Variants in TNFSF14 observed in about 807,000 individuals in gnomAD.
The protein encoded by TNFSF14 is tumor necrosis factor ligand superfamily member 14.
TNFSF14 carries 15 observed loss-of-function variants against 22.7 expected under a neutral mutation model. The ratio of observed to expected loss-of-function variants is 0.66; its 90% confidence interval spans 0.44 to 1.02. The LOEUF (loss-of-function observed/expected upper bound fraction) is 1.02, where lower values mean the gene tolerates loss of function less well. TNFSF14 is among the 50% of genes least tolerant of loss of function. The pLI is 0.00. For missense variants in TNFSF14, 287 were observed against 326.2 expected (o/e 0.88, Z 0.93); for synonymous variants, 133 against 139.6 (o/e 0.95, Z 0.33).
At chr19:6,670,320 T>A, upstream of TNFSF14, 1 of 1,319,154 alleles carries the variant, frequency 7.6e-7, no homozygotes, top group Admixed American at 3.2e-5. Flanking sequence ...TCTGAAAATG[T>A]GACTCAGGTG....
chr19:6,665,056 C>T lies in TNFSF14; in HGVS notation c.593G>A (p.Trp198Ter). 1 of 1,614,150 alleles carries T rather than the reference C, an allele frequency of 6.2e-7. No homozygotes were observed. Among genetic ancestry groups the T allele is most frequent in the Non-Finnish European group, 8.5e-7 (1 of 1,179,992 alleles). Reference protein sequence around the residue: ...GRATSSSRVWWDSSFLGGVVH... With the variant: ...GRATSSSRVW Reference sequence around the variant, plus strand: ...CACACCACCCAGGAAGCTGCTGTCCCACCAGACCCGGGAGCTGCTGGTGGC... The same window carrying T: ...CACACCACCCAGGAAGCTGCTGTCCTACCAGACCCGGGAGCTGCTGGTGGC... Residue 198 changes from tryptophan to a stop codon, truncating the protein, a stop_gained, in exon 4 of 4, where the codon TGG (tryptophan) becomes TAG (stop). Coordinates refer to ENST00000675206, the MANE Select transcript of TNFSF14 (RefSeq NM_001376887.1). LOFTEE classifies it high-confidence loss of function.
At chr19:6,668,271 G>T (rs1322798602) in intron 1 of TNFSF14, among the ~76,000 whole-genome samples, 1 of 151,958 alleles carries the variant, frequency 6.6e-6, no homozygotes, top group Non-Finnish European at 1.5e-5. Context: ...GCTGGGACAG[G>T]AGGCTTGCTT....
chr19:6,669,564 G>A (rs1256526599), intron 1 of TNFSF14, among the ~76,000 whole-genome samples: 2 of 152,110 alleles, frequency 1.3e-5, no homozygotes, highest in Non-Finnish European at 2.9e-5. Context: ...AGTTCCGACG[G>A]GTGGAGCTGG....
chr19:6,665,418 T>A, intron 3 of TNFSF14, 68 bp from the exon 4 acceptor site: 2 of 1,439,424 alleles, frequency 1.4e-6, no homozygotes, highest in East Asian at 2.5e-5. Flanking sequence ...CTTGTTTGTT[T>A]GTTTGTTTGA....
chr19:6,670,015 T>G lies in TNFSF14; in HGVS notation c.55A>C (p.Ile19Leu). The change falls in exon 1 of 4, where the codon ATC becomes CTC. Residue 19 changes from isoleucine (I) to leucine (L), a missense_variant. Physicochemically the swap from Ile to Leu is conservative, Grantham distance 5. Coordinates refer to ENST00000675206, the MANE Select transcript of TNFSF14 (RefSeq NM_001376887.1). ...CTTCGTCCCAGCCTCGTGAATGGGA[T>G]GTCGGTCTGTCCATCCACCACAAAC... ...SVFVVDGQTDIPFTRLGRSHR... is the reference protein window; with the variant it reads ...SVFVVDGQTDLPFTRLGRSHR... 1 of 1,614,166 alleles carries G rather than the reference T, an allele frequency of 6.2e-7. No individual in the cohort carries two copies. Among genetic ancestry groups the G allele is most frequent in the Non-Finnish European group, 8.5e-7 (1 of 1,180,028 alleles).
Position 6,665,318 on chromosome 19 carries a change from GC to G in TNFSF14, c.330del (p.Pro111ArgfsTer13). On this transcript the variant is annotated frameshift_variant, in exon 4 of 4. Coordinates refer to ENST00000675206, the MANE Select transcript of TNFSF14 (RefSeq NM_001376887.1). LOFTEE classifies it high-confidence loss of function. ...GANSSLTGSGGPLLWETQLGL... is the reference protein window; with the variant it reads ...GANSSLTGSGXPLLWETQLGL... Reference sequence around the variant, plus strand: ...CCCAGCTGAGTCTCCCATAACAGCGGCCCCCCGCTGCCGGTCAAGCTGGAGT... The same window carrying G: ...CCCAGCTGAGTCTCCCATAACAGCGGCCCCCGCTGCCGGTCAAGCTGGAGT... 1.3e-6 allele frequency: 2 copies of G among 1,597,574 alleles called. No homozygotes were observed. The highest frequency in any genetic ancestry group is 1.7e-6 in the Non-Finnish European group (2 of 1,172,366).
chr19:6,667,506 A>G (rs895506968), intron 1 of TNFSF14, 57 bp from the exon 2 acceptor site: 4 of 1,552,264 alleles, frequency 2.6e-6, no homozygotes, highest in Non-Finnish European at 3.5e-6. Context: ...ACGCCCTCGC[A>G]TTGCTCACAC....
In TNFSF14 at chr19:6,670,133, T is replaced by C; in HGVS notation, c.-64A>G. The C allele has an allele frequency of 6.3e-7, 1 of 1,590,976 alleles. No homozygotes were observed. The highest frequency in any genetic ancestry group is 8.6e-7 in the Non-Finnish European group (1 of 1,164,194). On this transcript the variant is annotated 5_prime_UTR_variant, in exon 1 of 4. Coordinates refer to ENST00000675206, the MANE Select transcript of TNFSF14 (RefSeq NM_001376887.1). ...CTTCAACCTCAGAGGAAACCGAAAT[T>C]GCTCAACACTCCTGGGCTGTGCACG...
intron 1 of TNFSF14, 21 bp downstream of exon 1, chr19:6,669,830 C>T (rs1390615666): frequency 6.2e-7 from 1 of 1,608,224 alleles, no homozygotes; most frequent in South Asian, 1.1e-5. Flanking sequence ...CACCTGCTCT[C>T]AGCCCCCCGG....
rs528027707 is a variant in TNFSF14, at chr19:6,668,669, C to T, written c.219+1182G>A. Among the ~76,000 whole-genome samples the T allele has an allele frequency of 2.6e-5, 4 of 152,056 alleles. No homozygotes were observed. In the East Asian group the frequency reaches 7.7e-4, roughly 29 times the overall value. ...GTTGTAGTGAGCCAAGACTGCACCACTACACTACAGCCTGGGCTATGGGAG... is the reference window on the plus strand; with the variant it reads ...GTTGTAGTGAGCCAAGACTGCACCATTACACTACAGCCTGGGCTATGGGAG... On this transcript the variant is annotated intron_variant, in intron 1 of 3. Coordinates refer to ENST00000675206, the MANE Select transcript of TNFSF14 (RefSeq NM_001376887.1).
Position 6,664,630 on chromosome 19 carries a change from C to CAAAA in TNFSF14, c.*295_*296insTTTT. The CAAAA allele has an allele frequency of 4.5e-6, 1 of 222,440 alleles. No homozygotes were observed. The highest frequency in any genetic ancestry group is 5.6e-5 in the Admixed American group (1 of 17,988). 13.8% of individuals were successfully genotyped at this position (222,440 alleles called of 1,614,324 possible). ...CTCGGCTCACTGCAACCTCCGCCTC[C>CAAAA]CGGGTTTAAGCAAAATTATCCTGCC... is the stretch of plus-strand genomic sequence containing the variant. On this transcript the variant is annotated 3_prime_UTR_variant, in exon 4 of 4. Coordinates refer to ENST00000675206, the MANE Select transcript of TNFSF14 (RefSeq NM_001376887.1). This position sits in a 1 kb window ranked among gnomAD's most constrained non-coding sequence, Gnocchi z 4.7.
chr19:6,670,256 G>A (rs867669322), upstream of TNFSF14: 1 of 1,434,808 alleles, frequency 7.0e-7, no homozygotes, highest in East Asian at 2.5e-5. Context: ...GCCGCCCCCG[G>A]TCTTGGCCCT....
intron 1 of TNFSF14, among the ~76,000 whole-genome samples, chr19:6,668,603 G>A (rs1325408878): frequency 6.6e-6 from 1 of 152,150 alleles, no homozygotes; most frequent in Admixed American, 6.5e-5. Flanking sequence ...CTACTGCTCA[G>A]GAGGCTGAGA....
Position 6,666,897 on chromosome 19 carries a change from AAAATAAATAAATAAAT to A in TNFSF14, c.298+200_298+215del, listed in dbSNP as rs3065920. Among the ~76,000 whole-genome samples, 395 of 149,076 alleles carry A rather than the reference AAAATAAATAAATAAAT, an allele frequency of 2.6e-3. 1 individual carries two copies. The highest frequency in any genetic ancestry group is 8.9e-3 in the African/African-American group (363 of 40,754). ...TGGGCAACAGAGTGAGACTGTCTCA[AAAATAAATAAATAAAT>A]AAATAAATAAATAAATAGAAATAAA... On this transcript the variant is annotated intron_variant, in intron 3 of 3. Coordinates refer to ENST00000675206, the MANE Select transcript of TNFSF14 (RefSeq NM_001376887.1).
chr19:6,668,292 G>A (rs1218163935), intron 1 of TNFSF14, among the ~76,000 whole-genome samples: 3 of 151,992 alleles, frequency 2.0e-5, no homozygotes, highest in East Asian at 3.9e-4. Flanking sequence ...GAGCCCAGGA[G>A]TTCAAGGCTG....
At chr19:6,667,310 G>A in intron 2 of TNFSF14, 103 bp downstream of exon 2, 2 of 1,456,314 alleles carry the variant, frequency 1.4e-6, no homozygotes, top group East Asian at 2.6e-5. Context: ...GCACCTGTGA[G>A]GATTTGGCCA....
chr19:6,668,668 A>G (rs1171276412), intron 1 of TNFSF14, among the ~76,000 whole-genome samples: 6 of 152,196 alleles, frequency 3.9e-5, no homozygotes, highest in Middle Eastern at 6.8e-3. Flanking sequence ...AGACTGCACC[A>G]CTACACTACA....
chr19:6,668,913 G>C (rs976856664), intron 1 of TNFSF14, among the ~76,000 whole-genome samples: 1 of 152,232 alleles, frequency 6.6e-6, no homozygotes, highest in Admixed American at 6.5e-5. Context: ...GACAGACAAC[G>C]TGAATACACC....
In TNFSF14 at chr19:6,667,405, T is replaced by C; in HGVS notation, c.256+8A>G. The stretch of plus-strand genomic sequence containing the variant: ...ACCTCCTTCCCTGGGGCCAGGACCC[T>C]GACTCACCTTGTATCAGCTGCTCCC... On this transcript the variant is annotated splice_region_variant and intron_variant, in intron 2 of 3. Transcript: ENST00000675206. 1 of 1,542,824 alleles carries C rather than the reference T, an allele frequency of 6.5e-7. No individual in the cohort carries two copies. Among genetic ancestry groups the C allele is most frequent in the Non-Finnish European group, 8.7e-7 (1 of 1,153,078 alleles).
Sources: gnomAD v4.1 joint callset for allele counts (sites outside exome capture counted in the v4.1 genomes callset) on GRCh38, gnomAD v4.1.1 for gene constraint, Gnocchi (gnomAD v3.1) non-coding constraint, MANE v1.5 for transcripts, NCBI Gene and HGNC (gene_info 2026-07-23, HGNC 2026-07-21) for gene names.